Variants in PRKAR2B observed in about 807,000 individuals in gnomAD.
PRKAR2B encodes the protein protein kinase cAMP-dependent type II regulatory subunit beta.
PRKAR2B carries 14 observed loss-of-function variants against 49.9 expected under a neutral mutation model. The ratio of observed to expected loss-of-function variants is 0.28; its 90% CI spans 0.19 to 0.44. The LOEUF (loss-of-function observed/expected upper bound fraction) is 0.44. Among genes scored for constraint, PRKAR2B ranks in the 20% least tolerant of loss-of-function variants. PRKAR2B has a pLI of 1.00. For synonymous variants in PRKAR2B, 196 were observed against 197.7 expected (o/e 0.99, Z 0.07); for missense variants, 393 against 537.9 (o/e 0.73, Z 2.67).
At chr7:107,052,366 C>T (rs947260700) in intron 1 of PRKAR2B, among the ~76,000 whole-genome samples, 28 of 152,012 alleles carry the variant, frequency 1.8e-4, no homozygotes, top group Admixed American at 5.9e-4. Flanking sequence ...TGCAGTGAGC[C>T]GAGATTGCGC....
chr7:107,095,868 G>A (rs978533906), intron 2 of PRKAR2B, among the ~76,000 whole-genome samples: 2 of 152,178 alleles, frequency 1.3e-5, no homozygotes, highest in African/African-American at 4.8e-5. Context: ...TGATCATGGT[G>A]GATAAGTTTC....
chr7:107,159,836 G>T lies in PRKAR2B; in HGVS notation c.*254G>T. 2.8e-6 allele frequency: 1 copy of T among 359,332 alleles called. No homozygotes were observed. The highest frequency in any genetic ancestry group is 5.0e-6 in the Non-Finnish European group (1 of 199,706). The allele number at this position is 359,332 out of a possible 1,614,324, so 22.3% of individuals were successfully genotyped here. A position where few individuals can be genotyped will look rare whatever the true frequency, so the allele number is the denominator to read the frequency against. On this transcript the variant is annotated 3_prime_UTR_variant, in exon 11 of 11. Transcript: ENST00000265717. Reference sequence around the variant, plus strand: ...GTACTCCACAAAATTATGACTGAAAGGTTTATTAAAATGATTGTAATATAT... The same window carrying T: ...GTACTCCACAAAATTATGACTGAAATGTTTATTAAAATGATTGTAATATAT...
At chr7:107,046,090 A>C (rs1014558165) in intron 1 of PRKAR2B, among the ~76,000 whole-genome samples, 1 of 152,014 alleles carries the variant, frequency 6.6e-6, no homozygotes. Context: ...AATTTTCTCA[A>C]ATAGCTGCTC....
At chr7:107,128,188 T>TTTTTAAA (rs1406038487) in intron 3 of PRKAR2B, 24 bp from the exon 4 acceptor site, 2 of 1,527,378 alleles carry the variant, frequency 1.3e-6, no homozygotes, top group Non-Finnish European at 1.8e-6. Context: ...ATGTCTTTGT[T>TTTTTAAA]TTTTAAATCT....
intron 2 of PRKAR2B, among the ~76,000 whole-genome samples, chr7:107,107,689 C>T (rs1262725128): frequency 1.3e-5 from 2 of 151,786 alleles, no homozygotes; most frequent in Non-Finnish European, 1.5e-5. Flanking sequence ...GACAGAGTCT[C>T]GCTCTGTCAC....
At chr7:107,139,718 A>G (rs1795758112) in intron 4 of PRKAR2B, among the ~76,000 whole-genome samples, 1 of 152,142 alleles carries the variant, frequency 6.6e-6, no homozygotes, top group Admixed American at 6.5e-5. Flanking sequence ...TGTACTCTAT[A>G]CTATTGTAGA....
At chr7:107,070,610 T>C (rs1012968311) in intron 2 of PRKAR2B, among the ~76,000 whole-genome samples, 6 of 152,234 alleles carry the variant, frequency 3.9e-5, no homozygotes, top group African/African-American at 1.4e-4. Flanking sequence ...CAGGGTGTTA[T>C]TCTTGCTCTT....
chr7:107,119,023 G>T (rs1408436680), intron 2 of PRKAR2B, among the ~76,000 whole-genome samples: 1 of 152,160 alleles, frequency 6.6e-6, no homozygotes, highest in Non-Finnish European at 1.5e-5. Flanking sequence ...GATAAAGTGG[G>T]TATCACAAAT....
Position 107,070,312 on chromosome 7 carries a change from C to T in PRKAR2B, c.339C>T (p.Ala113=), listed in dbSNP as rs1422087824. Residue 113 remains alanine (A), a synonymous_variant, in exon 2 of 11, where the codon GCC becomes GCT. Transcript: ENST00000265717. The stretch of plus-strand genomic sequence containing the variant: ...TAATAAACCGATTCACAAGGCGTGC[C>T]TCAGGTAAGTCTGATTATATTATGG... ...APVINRFTRR[A]SVCAEAYNPD... is the part of the protein sequence containing the mutation. 4 of 1,603,184 alleles carry T rather than the reference C, an allele frequency of 2.5e-6. No homozygotes were observed. The highest frequency in any genetic ancestry group is 1.3e-5 in the African/African-American group (1 of 74,694).
At chr7:107,108,351 A>G (rs1584432917) in intron 2 of PRKAR2B, among the ~76,000 whole-genome samples, 1 of 152,362 alleles carries the variant, frequency 6.6e-6, no homozygotes, top group East Asian at 1.9e-4. Context: ...AAGACAACAG[A>G]TGTGAAAGAA....
chr7:107,153,088 C>A, intron 7 of PRKAR2B, 89 bp from the exon 8 acceptor site: 2 of 831,440 alleles, frequency 2.4e-6, no homozygotes, highest in South Asian at 1.8e-5. Flanking sequence ...ATTTATTTGG[C>A]CTATAGGCTA....
At position 107,104,263 on chromosome 7, in the gene PRKAR2B, GAGC is replaced by G. The variant is rs1023777190; in HGVS notation, c.344-17688_344-17686del. Among the ~76,000 whole-genome samples, 46 of 152,234 alleles carry G rather than the reference GAGC, an allele frequency of 3.0e-4. 1 individual carries two copies. The highest frequency in any genetic ancestry group is 6.8e-3 in the Middle Eastern group (2 of 294). ...TTGTCCAGGCTGGCCTCGAACTCCT[GAGC>G]TCAGGCAGTTCACCTGCCTCTGCCT... On this transcript the variant is annotated intron_variant, in intron 2 of 10. Transcript: ENST00000265717.
At chr7:107,158,160 TAGAA>T (rs1390771359) in intron 10 of PRKAR2B, among the ~76,000 whole-genome samples, 2 of 151,966 alleles carry the variant, frequency 1.3e-5, no homozygotes, top group Non-Finnish European at 2.9e-5. Flanking sequence ...GTAGGGCTAT[TAGAA>T]AGAGTAAAGG....
chr7:107,145,203 G>C (rs1795868656), intron 5 of PRKAR2B, among the ~76,000 whole-genome samples: 1 of 152,174 alleles, frequency 6.6e-6, no homozygotes, highest in Non-Finnish European at 1.5e-5. Flanking sequence ...GTTCTCTGTT[G>C]TAACTACTCA....
chr7:107,079,022 G>A (rs1005781783), intron 2 of PRKAR2B, among the ~76,000 whole-genome samples: 8 of 152,258 alleles, frequency 5.3e-5, no homozygotes, highest in East Asian at 1.9e-4. Flanking sequence ...ACCAAACCCC[G>A]TGTGCCTTAA....
intron 2 of PRKAR2B, among the ~76,000 whole-genome samples, chr7:107,087,307 A>G (rs1365715495): frequency 6.6e-6 from 1 of 152,080 alleles, no homozygotes; most frequent in African/African-American, 2.4e-5. Context: ...TATTAAGGGC[A>G]TTAGAAACGT....
chr7:107,101,400 G>A (rs976028373), intron 2 of PRKAR2B, among the ~76,000 whole-genome samples: 2 of 152,096 alleles, frequency 1.3e-5, no homozygotes, highest in Non-Finnish European at 2.9e-5. Context: ...TTTCTGCCAA[G>A]CTAACTCATA....
chr7:107,098,529 T>C (rs940267687), intron 2 of PRKAR2B, among the ~76,000 whole-genome samples: 6 of 152,236 alleles, frequency 3.9e-5, no homozygotes, highest in Non-Finnish European at 4.4e-5. Context: ...GTCAAAGTCA[T>C]TCTCTTTCCT....
chr7:107,134,945 A>G (rs1795668745), intron 4 of PRKAR2B, among the ~76,000 whole-genome samples: 1 of 152,334 alleles, frequency 6.6e-6, no homozygotes, highest in Admixed American at 6.5e-5. Flanking sequence ...CTTAGACACC[A>G]AAAGCATAAG....
Sources: gnomAD v4.1 joint callset for allele counts (sites outside exome capture counted in the v4.1 genomes callset) on GRCh38, gnomAD v4.1.1 for gene constraint, MANE v1.5 for transcripts, NCBI Gene and HGNC (gene_info 2026-07-23, HGNC 2026-07-21) for gene names.